Variants in PPM1D observed in about 807,000 individuals in gnomAD.
The protein encoded by PPM1D is protein phosphatase 1D.
In PPM1D, 52 loss-of-function variants were observed where a neutral mutation model predicts 58.3. The observed-to-expected ratio is 0.89, with a 90% CI of 0.71 to 1.12. The LOEUF is 1.12. Ranked by LOEUF, PPM1D falls within the 50% of genes most tolerant of loss-of-function variation. The pLI, the probability that PPM1D is intolerant of heterozygous loss-of-function variation, is 0.00. For synonymous variants in PPM1D, 278 were observed against 285.1 expected (o/e 0.98, Z 0.25); for missense variants, 564 against 777.2 (o/e 0.73, Z 3.26).
intron 5 of PPM1D, among the ~76,000 whole-genome samples, chr17:60,661,608 A>G (rs1021730582): frequency 4.6e-5 from 7 of 152,168 alleles, no homozygotes; most frequent in Admixed American, 3.3e-4. Flanking sequence ...CAGCATTTTT[A>G]AAAACAATAA....
At chr17:60,628,625 C>T (rs1001802998) in intron 2 of PPM1D, among the ~76,000 whole-genome samples, 8 of 152,124 alleles carry the variant, frequency 5.3e-5, no homozygotes, top group African/African-American at 1.9e-4. Context: ...CTATGCATGA[C>T]TTTTTAATAT....
chr17:60,606,578 A>G (rs1433091705), intron 1 of PPM1D, among the ~76,000 whole-genome samples: 1 of 152,108 alleles, frequency 6.6e-6, no homozygotes, highest in Non-Finnish European at 1.5e-5. Flanking sequence ...AAAAAAAAAA[A>G]TCCTGATGAA....
At position 60,663,063 on chromosome 17, in the gene PPM1D, T is replaced by C. The variant is rs778696970; in HGVS notation, c.1329T>C (p.Asn443=). 2 of 1,614,202 alleles carry C rather than the reference T, an allele frequency of 1.2e-6. No individual in the cohort carries two copies. Among genetic ancestry groups the C allele is most frequent in the East Asian group, 2.2e-5 (1 of 44,888 alleles). Residue 443 remains asparagine, a synonymous_variant, in exon 6 of 6, where the codon AAT becomes AAC. Coordinates refer to ENST00000305921, the MANE Select transcript of PPM1D (RefSeq NM_003620.4). ...KDHIPALVRS[N]AFSENFLEVS... ...ATATACCTGCCCTGGTTCGTAGCAA[T>C]GCCTTCTCAGAGAATTTTTTAGAGG...
Position 60,664,007 on chromosome 17 carries a change from A to G in PPM1D, c.*455A>G, listed in dbSNP as rs1041707647. 6.4e-6 allele frequency: 1 copy of G among 156,866 alleles called. No homozygotes were observed. Among genetic ancestry groups the G allele is most frequent in the Non-Finnish European group, 1.4e-5 (1 of 70,408 alleles). 9.7% of individuals were successfully genotyped at this position (156,866 alleles called of 1,614,324 possible). ...CAGACTGGAAAAGTGATGTATTTTC[A>G]TAGTGACCTGTGTTTCACTTAATGT... On this transcript the variant is annotated 3_prime_UTR_variant, in exon 6 of 6. Coordinates refer to ENST00000305921, the MANE Select transcript of PPM1D (RefSeq NM_003620.4).
chr17:60,656,744 A>C lies in PPM1D; in HGVS notation c.1163A>C (p.Glu388Ala). 1 of 1,614,224 alleles carries C rather than the reference A, an allele frequency of 6.2e-7. No individual in the cohort carries two copies. The highest frequency in any genetic ancestry group is 1.6e-4 in the Middle Eastern group (1 of 6,062). ...GACAATCAGGGAAACTTTACCAATG[A>C]AGATGAGTTATACCTGAACCTGACT... Reference protein sequence around the residue: ...EVDNQGNFTNEDELYLNLTDS... With the variant: ...EVDNQGNFTNADELYLNLTDS... Residue 388 changes from glutamate to alanine, a missense_variant, in exon 5 of 6, where the codon GAA (glutamate) becomes GCA (alanine). Glu to Ala is a moderately radical substitution (Grantham distance 107). This residue lies in a region of PPM1D where 261 missense variants were observed against 270.1 expected (regional missense o/e 0.97). Coordinates refer to ENST00000305921, the MANE Select transcript of PPM1D (RefSeq NM_003620.4).
At chr17:60,608,061 G>T (rs1024380248) in intron 1 of PPM1D, among the ~76,000 whole-genome samples, 3 of 152,050 alleles carry the variant, frequency 2.0e-5, no homozygotes, top group Admixed American at 6.6e-5. Context: ...TTGGTTGTTC[G>T]CATTTTTTCA....
intron 1 of PPM1D, among the ~76,000 whole-genome samples, chr17:60,606,977 G>T (rs544764805): frequency 6.6e-6 from 1 of 151,338 alleles, no homozygotes; most frequent in South Asian, 2.1e-4. Context: ...ACAGGCATGC[G>T]CCCAGCTAAT....
chr17:60,631,091 C>T (rs1400014784), intron 2 of PPM1D, among the ~76,000 whole-genome samples: 1 of 152,078 alleles, frequency 6.6e-6, no homozygotes, highest in Non-Finnish European at 1.5e-5. Context: ...GCCTGTAATC[C>T]CAGCATGTTG....
At chr17:60,604,069 G>A (rs1427593393) in intron 1 of PPM1D, among the ~76,000 whole-genome samples, 1 of 152,138 alleles carries the variant, frequency 6.6e-6, no homozygotes, top group Non-Finnish European at 1.5e-5. Flanking sequence ...TACTTTGAAC[G>A]AATCTCATCC....
chr17:60,609,120 G>A (rs1451529980), intron 1 of PPM1D, among the ~76,000 whole-genome samples: 1 of 151,668 alleles, frequency 6.6e-6, no homozygotes, highest in African/African-American at 2.4e-5. Context: ...TTAAGACAGA[G>A]TCTTGCTTAA....
At chr17:60,601,689 G>A (rs1462939106) in intron 1 of PPM1D, among the ~76,000 whole-genome samples, 2 of 152,162 alleles carry the variant, frequency 1.3e-5, no homozygotes, top group Non-Finnish European at 2.9e-5. Context: ...ATCAAAATAA[G>A]AAAAGGCAAG....
At chr17:60,627,966 A>G (rs1358279955) in intron 2 of PPM1D, among the ~76,000 whole-genome samples, 1 of 151,302 alleles carries the variant, frequency 6.6e-6, no homozygotes, top group Non-Finnish European at 1.5e-5. Flanking sequence ...TCTCACCGCA[A>G]CCTCTGCTTC....
intron 4 of PPM1D, among the ~76,000 whole-genome samples, chr17:60,654,359 C>T (rs2031396288): frequency 1.4e-5 from 2 of 138,258 alleles, no homozygotes; most frequent in South Asian, 4.8e-4. Flanking sequence ...GCAGCCTCCA[C>T]CTCCTGGGCT....
At chr17:60,615,264 G>A (rs2030558874) in intron 1 of PPM1D, among the ~76,000 whole-genome samples, 1 of 152,002 alleles carries the variant, frequency 6.6e-6, no homozygotes, top group Admixed American at 6.6e-5. Context: ...GGGCGTGGTG[G>A]CGTGCACCTG....
intron 1 of PPM1D, among the ~76,000 whole-genome samples, chr17:60,612,908 A>G (rs1482490170): frequency 1.3e-5 from 2 of 152,222 alleles, no homozygotes; most frequent in African/African-American, 4.8e-5. Flanking sequence ...TTCATGTTTT[A>G]GTGGTGGCAG....
intron 5 of PPM1D, among the ~76,000 whole-genome samples, chr17:60,659,067 T>C (rs1192977890): frequency 2.0e-5 from 3 of 152,216 alleles, no homozygotes; most frequent in African/African-American, 7.2e-5. Context: ...GTTAACCCAT[T>C]GGCCCTGCCC....
chr17:60,636,021 G>C (rs1266346932), intron 3 of PPM1D, among the ~76,000 whole-genome samples: 6 of 152,156 alleles, frequency 3.9e-5, no homozygotes, highest in African/African-American at 1.4e-4. Flanking sequence ...GCATCTACTT[G>C]TAAGACAGCT....
At chr17:60,628,357 G>C (rs1379377150) in intron 2 of PPM1D, among the ~76,000 whole-genome samples, 5 of 152,096 alleles carry the variant, frequency 3.3e-5, no homozygotes, top group Admixed American at 2.0e-4. Context: ...CTGACATACT[G>C]TTATCACCTG....
chr17:60,612,893 C>A (rs1026196923), intron 1 of PPM1D, among the ~76,000 whole-genome samples: 2 of 152,166 alleles, frequency 1.3e-5, no homozygotes, highest in African/African-American at 4.8e-5. Context: ...ACCACCCCTT[C>A]TTCTTTCATG....
Sources: allele counts gnomAD v4.1 joint callset (sites outside exome capture counted in the v4.1 genomes callset), GRCh38; gene constraint gnomAD v4.1.1; regional missense constraint gnomAD v4.1.1; transcripts MANE v1.5; gene names NCBI Gene and HGNC (gene_info 2026-07-23, HGNC 2026-07-21).